The following TESK2 variants were observed in gnomAD, a reference collection of about 807,000 sequenced individuals.
TESK2 encodes dual specificity testis-specific protein kinase 2.
Under a neutral mutation model 57.1 loss-of-function variants are expected in TESK2, and 39 were observed. That is an observed-to-expected ratio of 0.68 (90% CI 0.53 to 0.89). The LOEUF (loss-of-function observed/expected upper bound fraction) is 0.89. TESK2 is among the 40% of genes least tolerant of loss of function. TESK2 has a pLI of 0.00. For missense variants in TESK2, 646 were observed against 732.1 expected (o/e 0.88, Z 1.36); for synonymous variants, 249 against 267.9 (o/e 0.93, Z 0.69).
Position 45,390,451 on chromosome 1 carries a change from G to A in TESK2, c.345-4491C>T, listed in dbSNP as rs150263877. The stretch of plus-strand genomic sequence containing the variant: ...TGCACTCCAGCCTGGGCAACAGAGC[G>A]AGACTCTGTCTAAAAAATAAAAATA... On this transcript the variant is annotated intron_variant, in intron 3 of 10. Coordinates refer to ENST00000372086, the MANE Select transcript of TESK2 (RefSeq NM_007170.3). 1.9e-3 allele frequency among the ~76,000 whole-genome samples: 292 copies of A among 151,250 alleles called. 4 individuals are homozygous for A. The highest frequency in any genetic ancestry group is 6.7e-3 in the African/African-American group (273 of 40,750).
chr1:45,440,359 G>T (rs1447408953), intron 2 of TESK2, among the ~76,000 whole-genome samples: 1 of 152,050 alleles, frequency 6.6e-6, no homozygotes, highest in African/African-American at 2.4e-5. Context: ...TATGATAATG[G>T]TAAGAAAACA....
chr1:45,450,838 A>G (rs757027481), intron 2 of TESK2, among the ~76,000 whole-genome samples: 8 of 151,918 alleles, frequency 5.3e-5, no homozygotes, highest in Non-Finnish European at 8.8e-5. Context: ...CAGGTTTGTT[A>G]CATATGTATA....
chr1:45,470,790 T>A (rs1056765497), intron 1 of TESK2, among the ~76,000 whole-genome samples: 51 of 152,242 alleles, frequency 3.3e-4, no homozygotes, highest in Non-Finnish European at 2.6e-4. Context: ...TAGTATTTAC[T>A]GAGCATTTAC....
chr1:45,386,904 G>A (rs991953657), intron 3 of TESK2, among the ~76,000 whole-genome samples: 39 of 152,142 alleles, frequency 2.6e-4, no homozygotes, highest in African/African-American at 7.7e-4. Flanking sequence ...CACCCGCCTC[G>A]GCCTCCCAAA....
intron 3 of TESK2, among the ~76,000 whole-genome samples, chr1:45,392,788 C>T (rs1477097945): frequency 6.6e-6 from 1 of 152,160 alleles, no homozygotes; most frequent in African/African-American, 2.4e-5. Context: ...AGTGATCCTC[C>T]CACCTCGGCC....
At chr1:45,440,418 A>T (rs1000568138) in intron 2 of TESK2, among the ~76,000 whole-genome samples, 4 of 152,110 alleles carry the variant, frequency 2.6e-5, no homozygotes, top group African/African-American at 9.7e-5. Flanking sequence ...CACCTAAAAA[A>T]TAGTGGGGCC....
At chr1:45,415,453 G>T (rs538162198) in intron 3 of TESK2, 70 of 614,446 alleles carry the variant, frequency 1.1e-4, no homozygotes, top group Middle Eastern at 9.9e-4. Context: ...TTGTGCTTTC[G>T]CTGCAGTTCC....
At chr1:45,446,720 G>A (rs1471118859) in intron 2 of TESK2, among the ~76,000 whole-genome samples, 1 of 152,152 alleles carries the variant, frequency 6.6e-6, no homozygotes, top group Non-Finnish European at 1.5e-5. Flanking sequence ...GTCAGGTTCT[G>A]CCCAGGGTAA....
At chr1:45,432,805 C>G (rs1031247310) in intron 2 of TESK2, among the ~76,000 whole-genome samples, 10 of 136,410 alleles carry the variant, frequency 7.3e-5, no homozygotes, top group Non-Finnish European at 1.2e-4. Flanking sequence ...GCTCTGTCAC[C>G]CAGGCTGGAG....
At chr1:45,404,174 A>G (rs1342935411) in intron 3 of TESK2, among the ~76,000 whole-genome samples, 1 of 152,232 alleles carries the variant, frequency 6.6e-6, no homozygotes, top group East Asian at 1.9e-4. Context: ...ATACTCTCAC[A>G]ATGATTTATT....
At chr1:45,452,046 A>AAAAAAAAAAAAAAAAAAAAAAAT (rs1557579264) in intron 2 of TESK2, among the ~76,000 whole-genome samples, 3 of 151,420 alleles carry the variant, frequency 2.0e-5, no homozygotes, top group Non-Finnish European at 4.4e-5. Context: ...AAAAAAAAAA[A>AAAAAAAAAAAAAAAAAAAAAAAT]ATTTATTTGG....
chr1:45,419,828 CTT>C (rs1206970115), intron 3 of TESK2, among the ~76,000 whole-genome samples: 1 of 152,056 alleles, frequency 6.6e-6, no homozygotes, highest in East Asian at 1.9e-4. Flanking sequence ...GTTAATTTGA[CTT>C]ATAAATTTGA....
At chr1:45,402,026 C>T (rs192981129) in intron 3 of TESK2, among the ~76,000 whole-genome samples, 10 of 150,930 alleles carry the variant, frequency 6.6e-5, no homozygotes, top group Middle Eastern at 3.5e-3. Context: ...AATTTTGATA[C>T]TTATGTTTTC....
chr1:45,451,322 T>C (rs754980145), intron 2 of TESK2, among the ~76,000 whole-genome samples: 1 of 152,186 alleles, frequency 6.6e-6, no homozygotes, highest in South Asian at 2.1e-4. Context: ...TGAGGATGTG[T>C]CCATTGCTAC....
rs760302408 is a variant in TESK2 at position 45,482,345 on chromosome 1, T to G, written c.-87+8507A>C. On this transcript the variant is annotated intron_variant, in intron 1 of 10. Coordinates refer to ENST00000372086, the MANE Select transcript of TESK2 (RefSeq NM_007170.3). ...GAGTTTGAGACCAGCCACGGTAACA[T>G]AGTGAGACCATGCCTCTACAAAAAA... is the stretch of plus-strand genomic sequence containing the variant. Among the ~76,000 whole-genome samples the G allele has an allele frequency of 3.3e-5, 5 of 151,826 alleles. No homozygotes were observed. The East Asian group carries it at 9.7e-4, about 30-fold the overall frequency.
intron 3 of TESK2, among the ~76,000 whole-genome samples, chr1:45,392,642 G>GGT (rs1374666234): frequency 6.6e-6 from 1 of 152,010 alleles, no homozygotes; most frequent in Non-Finnish European, 1.5e-5. Context: ...TGGAGGTTGT[G>GGT]GTGAGCCGAG....
intron 4 of TESK2, among the ~76,000 whole-genome samples, chr1:45,368,453 C>A (rs931678128): frequency 5.1e-4 from 78 of 151,980 alleles, no homozygotes; most frequent in Non-Finnish European, 8.1e-4. Context: ...CAGCTCACTG[C>A]AACCTCCGCC....
Position 45,385,710 on chromosome 1 carries a change from G to GTGTA in TESK2, c.393+201_393+202insTACA, listed in dbSNP as rs947905047. ...ACTTAAAGTGTATGTGTGTGTGTGTGTATATATATATATATATATATATAT... is the reference window on the plus strand; with the variant it reads ...ACTTAAAGTGTATGTGTGTGTGTGTGTGTATATATATATATATATATATATATAT... On this transcript the variant is annotated intron_variant, in intron 4 of 10. Transcript: ENST00000372086. Among the ~76,000 whole-genome samples, 557 of 135,280 alleles carry GTGTA rather than the reference G, an allele frequency of 4.1e-3. 2 individuals carry two copies. The highest frequency in any genetic ancestry group is 6.3e-3 in the Non-Finnish European group (409 of 64,512). The allele number at this position is 135,280 out of a possible 152,430, so 88.7% of individuals were successfully genotyped here.
chr1:45,479,236 T>C (rs1653115867), intron 1 of TESK2, among the ~76,000 whole-genome samples: 1 of 152,076 alleles, frequency 6.6e-6, no homozygotes, highest in African/African-American at 2.4e-5. Context: ...GAAACAAATG[T>C]TGAGAACTTT....
Sources: allele counts gnomAD v4.1 joint callset (sites outside exome capture counted in the v4.1 genomes callset), GRCh38; gene constraint gnomAD v4.1.1; transcripts MANE v1.5; gene names NCBI Gene and HGNC (gene_info 2026-07-23, HGNC 2026-07-21).